The following CGA variants were observed in gnomAD, a reference collection of about 807,000 sequenced individuals.
CGA encodes glycoprotein hormones, alpha polypeptide.
Under a neutral mutation model 12.0 loss-of-function variants are expected in CGA, and 4 were observed. The observed-to-expected ratio is 0.33, with a 90% CI of 0.16 to 0.76. CGA has a LOEUF of 0.76. Ranked by LOEUF, CGA falls within the 30% of genes least tolerant of loss-of-function variation. The pLI, the probability that CGA is intolerant of heterozygous loss-of-function variation, is 0.60. For missense variants in CGA, 102 were observed against 143.5 expected (o/e 0.71, Z 1.48); for synonymous variants, 60 against 56.6 (o/e 1.06, Z -0.27).
chr6:87,091,392 TCCTAATCAC>T (rs1368808130), intron 1 of CGA, among the ~76,000 whole-genome samples: 2 of 152,192 alleles, frequency 1.3e-5, no homozygotes, highest in Non-Finnish European at 1.5e-5. Flanking sequence ...ATTTTTATCA[TCCTAATCAC>T]CCTCAGGTTT....
chr6:87,086,443 G>GGA lies in CGA; in HGVS notation c.89-10_89-9insTC. ...CGTGCATTCTGGGCAATCTATCAGG[G>GGA]AAAAAAAAAGGCAGAGTAAAATATC... On this transcript the variant is annotated splice_polypyrimidine_tract_variant and intron_variant, in intron 2 of 3. Transcript: ENST00000627148. The GGA allele has an allele frequency of 1.9e-6, 3 of 1,554,130 alleles. No individual in the cohort carries two copies. Among genetic ancestry groups the GGA allele is most frequent in the Non-Finnish European group, 2.6e-6 (3 of 1,151,642 alleles).
At chr6:87,092,496 G>A (rs1482649459) in intron 1 of CGA, among the ~76,000 whole-genome samples, 1 of 149,562 alleles carries the variant, frequency 6.7e-6, no homozygotes, top group African/African-American at 2.5e-5. Flanking sequence ...CTGGGAGACA[G>A]TGAGAAACCC....
Position 87,086,448 on chromosome 6 carries a change from A to T in CGA, c.89-14T>A, listed in dbSNP as rs1769326087. The T allele has an allele frequency of 6.3e-7, 1 of 1,582,942 alleles. No individual in the cohort carries two copies. Among genetic ancestry groups the T allele is most frequent in the Admixed American group, 1.9e-5 (1 of 51,786 alleles). On this transcript the variant is annotated splice_polypyrimidine_tract_variant and intron_variant, in intron 2 of 3. Transcript: ENST00000627148. ...ATTCTGGGCAATCTATCAGGGAAAA[A>T]AAAAGGCAGAGTAAAATATCCAAAA... is the stretch of plus-strand genomic sequence containing the variant.
chr6:87,091,858 C>G (rs1204765477), intron 1 of CGA, among the ~76,000 whole-genome samples: 3 of 152,212 alleles, frequency 2.0e-5, no homozygotes, highest in Admixed American at 6.5e-5. Context: ...GCCCCACAGT[C>G]TAACCAGTTA....
chr6:87,086,378 T>C lies in CGA; in HGVS notation c.145A>G (p.Ile49Val), dbSNP rs769570201. ...AAGCAGCAGCCCATGCACTGAAGTA[T>C]TGGGGCACCCGGCTGGGAGAAGAAT... ...NPFFSQPGAP[I>V]LQCMGCCFSR... Residue 49 changes from isoleucine (I) to valine (V), a missense_variant, in exon 3 of 4, where the codon ATA becomes GTA. Coordinates refer to ENST00000627148, the MANE Select transcript of CGA (RefSeq NM_000735.4). The C allele has an allele frequency of 9.3e-6, 15 of 1,613,722 alleles. No individual in the cohort carries two copies. The African/African-American group carries it at 1.3e-4, about 14-fold the overall frequency.
At position 87,086,559 on chromosome 6, in the gene CGA, T is replaced by C. The variant is rs1047415254; in HGVS notation, c.89-125A>G. 3 of 839,942 alleles carry C rather than the reference T, an allele frequency of 3.6e-6. No individual in the cohort carries two copies. The Admixed American group carries it at 8.6e-5, about 24-fold the overall frequency. The allele number at this position is 839,942 out of a possible 1,614,324, so 52.0% of individuals were successfully genotyped here. A position where few individuals can be genotyped will look rare whatever the true frequency, so the allele number is the denominator to read the frequency against. ...TGGGAGGCCTTAGTGGGTGGATTGC[T>C]TGAGCTCAGGAGTTTGAGAGCAGCC... On this transcript the variant is annotated intron_variant, in intron 2 of 3. Transcript: ENST00000627148.
At chr6:87,089,373 ATGTGTGTG>A (rs71014985) in intron 1 of CGA, among the ~76,000 whole-genome samples, 20 of 151,276 alleles carry the variant, frequency 1.3e-4, no homozygotes, top group African/African-American at 4.6e-4. Context: ...CACTAGTATT[ATGTGTGTG>A]TGTGTGTGTC....
intron 1 of CGA, among the ~76,000 whole-genome samples, chr6:87,092,825 A>C (rs9444472): frequency 0.33 from 48,497 of 145,298 alleles, 8,667 homozygotes; most frequent in East Asian, 0.53. Context: ...ACGGCTCATT[A>C]CAGTCTCAAC....
In CGA at chr6:87,085,812, T is replaced by C; in HGVS notation, c.295A>G (p.Lys99Glu). Residue 99 changes from lysine (K) to glutamate (E), a missense_variant, in exon 4 of 4, where the codon AAA becomes GAA. By Grantham distance (56) the Lys-to-Glu change is moderately conservative (BLOSUM62 1). Transcript: ENST00000627148. ...YNRVTVMGGFKVENHTACHCS... is the reference protein window; with the variant it reads ...YNRVTVMGGFEVENHTACHCS... ...TGGCACGCCGTGTGGTTCTCCACTT[T>C]GAAACCCCCCATTACTGTGACCTAA... is the stretch of plus-strand genomic sequence containing the variant. 6.2e-7 allele frequency: 1 copy of C among 1,611,720 alleles called. No homozygotes were observed. The highest frequency in any genetic ancestry group is 1.1e-5 in the South Asian group (1 of 90,876).
rs1331487034 is a variant in CGA at position 87,086,286 on chromosome 6, T to C, written c.237A>G (p.Ser79=). The change falls in exon 3 of 4, where the codon TCA becomes TCG. Residue 79 remains serine, a synonymous_variant. Transcript: ENST00000627148. Reference sequence around the variant, plus strand: ...ATTTAGCTACACAGCAAGTGGACTCTGAGGTGACGTTCTTTTGGACCAACA... The same window carrying C: ...ATTTAGCTACACAGCAAGTGGACTCCGAGGTGACGTTCTTTTGGACCAACA... ...KTMLVQKNVT[S]ESTCCVAKSY... is the part of the protein sequence containing the mutation. 2 of 1,613,898 alleles carry C rather than the reference T, an allele frequency of 1.2e-6. No homozygotes were observed. The highest frequency in any genetic ancestry group is 2.2e-5 in the East Asian group (1 of 44,898).
chr6:87,093,756 C>T (rs1769483624), intron 1 of CGA, among the ~76,000 whole-genome samples: 1 of 152,166 alleles, frequency 6.6e-6, no homozygotes, highest in African/African-American at 2.4e-5. Flanking sequence ...AAGAAATGTA[C>T]ACTGCAACTG....
chr6:87,085,547 T>C lies in CGA; in HGVS notation c.*209A>G. On this transcript the variant is annotated 3_prime_UTR_variant, in exon 4 of 4. Transcript: ENST00000627148. Reference sequence around the variant, plus strand: ...ATTTGCAGTGGAACAAGCTAAATGCTGTATTCATTCCAAATGAAAAGAACT... The same window carrying C: ...ATTTGCAGTGGAACAAGCTAAATGCCGTATTCATTCCAAATGAAAAGAACT... 1 of 518,184 alleles carries C rather than the reference T, an allele frequency of 1.9e-6. No individual in the cohort carries two copies. The highest frequency in any genetic ancestry group is 3.3e-5 in the East Asian group (1 of 29,854). The allele number at this position is 518,184 out of a possible 1,614,324, so 32.1% of individuals were successfully genotyped here. A position where few individuals can be genotyped will look rare whatever the true frequency, so the allele number is the denominator to read the frequency against.
intron 1 of CGA, among the ~76,000 whole-genome samples, chr6:87,091,580 C>T (rs1769432096): frequency 6.6e-6 from 1 of 152,170 alleles, no homozygotes; most frequent in African/African-American, 2.4e-5. Context: ...AGGCCCTGTA[C>T]ACACAACCTC....
intron 3 of CGA, 70 bp from the exon 4 acceptor site, chr6:87,085,903 G>A: frequency 9.6e-7 from 1 of 1,046,300 alleles, no homozygotes; most frequent in South Asian, 1.3e-5. Flanking sequence ...CAAAATTGAA[G>A]AATATTACAT....
chr6:87,092,347 A>C (rs1195639109), intron 1 of CGA, among the ~76,000 whole-genome samples: 1 of 152,116 alleles, frequency 6.6e-6, no homozygotes, highest in Admixed American at 6.6e-5. Context: ...CAGTAGTGAC[A>C]CTGGGCAAGT....
intron 1 of CGA, among the ~76,000 whole-genome samples, chr6:87,092,919 G>A (rs1308165370): frequency 6.6e-6 from 1 of 151,628 alleles, no homozygotes; most frequent in Non-Finnish European, 1.5e-5. Flanking sequence ...GGCTAATTTG[G>A]GAGTGGTTTT....
chr6:87,092,414 G>A (rs538715032), intron 1 of CGA, among the ~76,000 whole-genome samples: 78 of 152,074 alleles, frequency 5.1e-4, no homozygotes, highest in Admixed American at 5.0e-3. Context: ...CTTAGAAGCC[G>A]AGGTGGGAGG....
chr6:87,088,146 G>T lies in CGA; in HGVS notation c.55C>A (p.Leu19Met). 6.3e-7 allele frequency: 1 copy of T among 1,583,346 alleles called. No individual in the cohort carries two copies. Among genetic ancestry groups the T allele is most frequent in the Non-Finnish European group, 8.6e-7 (1 of 1,165,352 alleles). ...TCAGGAGCGGAATGGAGAACATGCA[G>T]AAACACCGACAATGTGACCAGAAAG... The part of the protein sequence containing the change: ...AIFLVTLSVF[L>M]HVLHSAPDVQ... Residue 19 changes from leucine to methionine, a missense_variant, in exon 2 of 4, where the codon CTG becomes ATG. By Grantham distance (15) the Leu-to-Met change is conservative. Transcript: ENST00000627148.
chr6:87,090,646 TTG>T (rs1248868478), intron 1 of CGA, among the ~76,000 whole-genome samples: 18 of 150,118 alleles, frequency 1.2e-4, no homozygotes, highest in African/African-American at 4.2e-4. Context: ...AATTTTTTTT[TTG>T]TTTTTTTGAG....
Sources: allele counts gnomAD v4.1 joint callset (sites outside exome capture counted in the v4.1 genomes callset), GRCh38; gene constraint gnomAD v4.1.1; transcripts MANE v1.5; gene names NCBI Gene and HGNC (gene_info 2026-07-23, HGNC 2026-07-21).